The following HBP1 variants were observed in gnomAD, a reference collection of about 807,000 sequenced individuals.
HBP1 encodes the protein HMG box-containing protein 1.
Under a neutral mutation model 62.6 loss-of-function variants are expected in HBP1, and 20 were observed. The ratio of observed to expected loss-of-function variants is 0.32; its 90% confidence interval spans 0.22 to 0.46. HBP1 has a LOEUF of 0.46. Among genes scored for constraint, HBP1 ranks in the 20% least tolerant of loss-of-function variants. The pLI, the probability that HBP1 is intolerant of heterozygous loss-of-function variation, is 1.00. For missense variants in HBP1, 480 were observed against 611.8 expected (o/e 0.78, Z 2.27); for synonymous variants, 232 against 206.2 (o/e 1.12, Z -1.07).
intron 6 of HBP1, 87 bp downstream of exon 6, chr7:107,186,768 A>T (rs73187319): frequency 0.046 from 35,209 of 757,476 alleles, 917 homozygotes; most frequent in African/African-American, 0.055. Context: ...TCCTCCATTC[A>T]CTTTGATATT....
At chr7:107,180,231 C>G (rs1401377205) in intron 2 of HBP1, among the ~76,000 whole-genome samples, 169 bp downstream of exon 2, 2 of 152,192 alleles carry the variant, frequency 1.3e-5, no homozygotes, top group African/African-American at 2.4e-5. Context: ...TTAAAACCAA[C>G]ATGAGTTGGG....
chr7:107,171,067 A>ATTTTTTTTT (rs1395508929), intron 1 of HBP1, among the ~76,000 whole-genome samples: 14 of 66,666 alleles, frequency 2.1e-4, no homozygotes, highest in African/African-American at 1.8e-3. Context: ...ATATATATAT[A>ATTTTTTTTT]TATATATTTT....
intron 1 of HBP1, chr7:107,174,795 A>C: frequency 6.1e-6 from 4 of 650,546 alleles, no homozygotes; most frequent in Non-Finnish European, 7.6e-6. Context: ...TGTGCAGCTC[A>C]CATCTGTATG....
chr7:107,189,235 TCA>T, intron 6 of HBP1, 55 bp from the exon 7 acceptor site: 1 of 1,432,108 alleles, frequency 7.0e-7, no homozygotes, highest in Non-Finnish European at 9.7e-7. Flanking sequence ...AATGGGAACT[TCA>T]CAGTGTTTTG....
At chr7:107,174,793 T>G in intron 1 of HBP1, 1 of 676,748 alleles carries the variant, frequency 1.5e-6, no homozygotes, top group Non-Finnish European at 1.8e-6. Flanking sequence ...ACTGTGCAGC[T>G]CACATCTGTA....
chr7:107,171,110 G>T (rs1398755535), intron 1 of HBP1, among the ~76,000 whole-genome samples: 2 of 116,886 alleles, frequency 1.7e-5, no homozygotes, highest in African/African-American at 3.6e-5. Context: ...TCGCTCTGTC[G>T]CCAGGCTGGA....
intron 1 of HBP1, chr7:107,169,724 C>G (rs1796459760): frequency 1.0e-6 from 1 of 985,054 alleles, no homozygotes; most frequent in African/African-American, 1.7e-5. Context: ...TTACGCAGTT[C>G]GAATGAATGG....
At chr7:107,171,059 A>ATTTTT (rs1796547702) in intron 1 of HBP1, among the ~76,000 whole-genome samples, 1 of 63,716 alleles carries the variant, frequency 1.6e-5, no homozygotes, top group African/African-American at 1.8e-4. Context: ...ATATATATAT[A>ATTTTT]TATATATATA....
intron 1 of HBP1, chr7:107,174,768 GTT>G (rs1796753544): frequency 1.1e-6 from 1 of 919,558 alleles, no homozygotes; most frequent in African/African-American, 1.8e-5. Context: ...AATGTTTTCA[GTT>G]CAGATAAGGT....
intron 9 of HBP1, among the ~76,000 whole-genome samples, chr7:107,199,562 A>C (rs1282738981): frequency 1.3e-5 from 2 of 152,228 alleles, no homozygotes; most frequent in African/African-American, 2.4e-5. Context: ...GCTTTGTGCA[A>C]AATTTCCAGG....
chr7:107,176,518 A>AT (rs1374126979), intron 1 of HBP1, among the ~76,000 whole-genome samples: 1 of 152,134 alleles, frequency 6.6e-6, no homozygotes, highest in Non-Finnish European at 1.5e-5. Context: ...TTTAGCAACC[A>AT]TTTTTAGCCC....
intron 1 of HBP1, chr7:107,174,688 G>C (rs1472060533): frequency 1.6e-5 from 16 of 984,864 alleles, no homozygotes; most frequent in Non-Finnish European, 1.9e-5. Flanking sequence ...TTCATACACA[G>C]AGGATAGCTC....
At chr7:107,198,614 A>G (rs1221437331) in intron 9 of HBP1, among the ~76,000 whole-genome samples, 1 of 152,196 alleles carries the variant, frequency 6.6e-6, no homozygotes, top group Non-Finnish European at 1.5e-5. Flanking sequence ...TCTAAACTGA[A>G]TGGGATAAAT....
At chr7:107,175,034 G>A (rs796517675) in intron 1 of HBP1, among the ~76,000 whole-genome samples, 7 of 151,870 alleles carry the variant, frequency 4.6e-5, no homozygotes, top group Admixed American at 2.6e-4. Context: ...AGCTGGAGAC[G>A]GGTGGCTTTC....
chr7:107,184,699 A>G (rs947498466), intron 3 of HBP1, among the ~76,000 whole-genome samples: 2 of 152,016 alleles, frequency 1.3e-5, no homozygotes, highest in Non-Finnish European at 1.5e-5. Context: ...TTAAGTAGAG[A>G]TGGGGTTTCA....
At chr7:107,169,481 G>C (rs1358452218) in intron 1 of HBP1, among the ~76,000 whole-genome samples, 2 of 149,846 alleles carry the variant, frequency 1.3e-5, no homozygotes, top group Non-Finnish European at 3.0e-5. Context: ...TGGCCGGGCC[G>C]GGTGTGGAGA....
chr7:107,174,797 A>G, intron 1 of HBP1: 24 of 626,404 alleles, frequency 3.8e-5, no homozygotes, highest in Non-Finnish European at 4.8e-5. Context: ...TGCAGCTCAC[A>G]TCTGTATGTG....
chr7:107,172,683 C>G (rs1796655693), intron 1 of HBP1, among the ~76,000 whole-genome samples: 1 of 152,120 alleles, frequency 6.6e-6, no homozygotes. Context: ...TGGGCAGTGT[C>G]TGTGGGATGT....
Position 107,196,293 on chromosome 7 carries a change from G to C in HBP1, c.1385+142G>C, listed in dbSNP as rs1287792070. ...GACTTTTTTGTTTGTTTTTGAGACG[G>C]AGTCTCGCTGTGTCACCCAAGCTGG... is the stretch of plus-strand genomic sequence containing the variant. On this transcript the variant is annotated intron_variant, in intron 9 of 10. Coordinates refer to ENST00000222574, the MANE Select transcript of HBP1 (RefSeq NM_012257.4). 9 of 696,234 alleles carry C rather than the reference G, an allele frequency of 1.3e-5. No homozygotes were observed. In the Admixed American group the frequency reaches 1.8e-4, roughly 14 times the overall value. The allele number at this position is 696,234 out of a possible 1,614,324, so 43.1% of individuals were successfully genotyped here.
Sources: allele counts gnomAD v4.1 joint callset (sites outside exome capture counted in the v4.1 genomes callset), GRCh38; gene constraint gnomAD v4.1.1; transcripts MANE v1.5; gene names NCBI Gene and HGNC (gene_info 2026-07-23, HGNC 2026-07-21).